Variants in GTF2IRD2 observed in about 807,000 individuals in gnomAD.
The protein encoded by GTF2IRD2 is general transcription factor II-I repeat domain-containing protein 2A.
GTF2IRD2 carries 8 observed loss-of-function variants against 49.2 expected under a neutral mutation model. The observed-to-expected ratio is 0.16, with a 90% CI of 0.10 to 0.29. GTF2IRD2 has a LOEUF of 0.29. GTF2IRD2 is among the 10% of genes least tolerant of loss of function. The probability of loss-of-function intolerance (pLI) is 1.00; values close to 1 mark genes in which losing one functional copy is unlikely to be tolerated. For missense variants in GTF2IRD2, 130 were observed against 725.7 expected, an observed-to-expected ratio of 0.18 and a Z score of 9.43; for synonymous variants, 47 against 289.7, an observed-to-expected ratio of 0.16 and a Z score of 8.51.
intron 4 of GTF2IRD2, among the ~76,000 whole-genome samples, chr7:74,824,099 G>A (rs1409819419): frequency 2.5e-5 from 3 of 120,684 alleles, no homozygotes; most frequent in Non-Finnish European, 5.2e-5. Context: ...CCGAGAGGCG[G>A]AGCTTGCAGT....
At chr7:74,809,652 A>AC (rs1424281047) in intron 10 of GTF2IRD2, among the ~76,000 whole-genome samples, 1 of 34,302 alleles carries the variant, frequency 2.9e-5, no homozygotes, top group South Asian at 1.1e-3. Context: ...AAAAAAAAAA[A>AC]AAAACAGAAT....
intron 6 of GTF2IRD2, 99 bp downstream of exon 6, chr7:74,822,328 G>T (rs1264546583): frequency 1.1e-6 from 1 of 922,098 alleles, no homozygotes; most frequent in East Asian, 2.5e-5. Context: ...GGGATTACAG[G>T]TGTGAGCCAT....
intron 1 of GTF2IRD2, among the ~76,000 whole-genome samples, chr7:74,842,236 T>C (rs1466140868): frequency 1.5e-5 from 2 of 137,186 alleles, no homozygotes; most frequent in Non-Finnish European, 3.1e-5. Flanking sequence ...ATTTTCTTTT[T>C]TTTTTTTTTT....
intron 1 of GTF2IRD2, among the ~76,000 whole-genome samples, chr7:74,844,360 T>TTTATTTATTTA (rs1801086745): frequency 7.6e-5 from 1 of 13,180 alleles, no homozygotes; most frequent in Admixed American, 1.2e-3. Context: ...ATTATGTTTT[T>TTTATTTATTTA]TTTATTTATT....
chr7:74,841,848 G>A (rs1365216997), intron 1 of GTF2IRD2, among the ~76,000 whole-genome samples: 7 of 141,616 alleles, frequency 4.9e-5, no homozygotes, highest in East Asian at 2.0e-4. Flanking sequence ...TGTGATGGCC[G>A]GGCACAGTGG....
intron 1 of GTF2IRD2, among the ~76,000 whole-genome samples, chr7:74,840,881 T>A (rs1482528343): frequency 7.9e-6 from 1 of 127,050 alleles, no homozygotes; most frequent in African/African-American, 3.5e-5. Flanking sequence ...AAGGTCTTAC[T>A]CTGTCACCCA....
rs369492831 is a variant in GTF2IRD2 at position 74,822,409 on chromosome 7, T to C, written c.571+18A>G. On this transcript the variant is annotated intron_variant, in intron 6 of 15. Coordinates refer to ENST00000451013, the MANE Select transcript of GTF2IRD2 (RefSeq NM_173537.5). ...AGCAGCTCAGAAGAGCCACCAAACC[T>C]GAGAAGCTGTCACTTACCCAGCTGA... 179 of 711,082 alleles carry C rather than the reference T, an allele frequency of 2.5e-4. 4 individuals are homozygous for C. The African/African-American group carries it at 3.3e-3, about 13-fold the overall frequency. 44.0% of individuals were successfully genotyped at this position (711,082 alleles called of 1,614,324 possible).
chr7:74,800,275 C>T (rs868936437), intron 15 of GTF2IRD2, among the ~76,000 whole-genome samples: 5 of 140,104 alleles, frequency 3.6e-5, no homozygotes, highest in African/African-American at 1.1e-4. Context: ...TGCAGTGGCA[C>T]GATCTCGGCT....
intron 15 of GTF2IRD2, among the ~76,000 whole-genome samples, chr7:74,798,701 A>AC (rs1797227039): frequency 7.2e-6 from 1 of 139,338 alleles, no homozygotes; most frequent in African/African-American, 2.7e-5. Context: ...TAGAGATGAG[A>AC]TTTCACCATG....
At chr7:74,835,990 A>G (rs1463035249) in intron 2 of GTF2IRD2, among the ~76,000 whole-genome samples, 29 of 130,584 alleles carry the variant, frequency 2.2e-4, no homozygotes, top group South Asian at 4.6e-4. Context: ...GTCTCAAAAA[A>G]AAAAAACAAA....
intron 15 of GTF2IRD2, among the ~76,000 whole-genome samples, chr7:74,799,747 G>A (rs1380986598): frequency 2.6e-5 from 4 of 152,266 alleles, no homozygotes; most frequent in Non-Finnish European, 5.9e-5. Context: ...CACCCTGCAG[G>A]TAATCAAGGT....
chr7:74,836,889 CT>C (rs1221581416), intron 1 of GTF2IRD2, among the ~76,000 whole-genome samples: 18 of 130,766 alleles, frequency 1.4e-4, no homozygotes, highest in Middle Eastern at 3.8e-3. Flanking sequence ...TTCTTTCTTT[CT>C]TTTTTTTTTG....
chr7:74,826,308 G>A (rs1259356054), intron 3 of GTF2IRD2, among the ~76,000 whole-genome samples: 1 of 151,494 alleles, frequency 6.6e-6, no homozygotes, highest in African/African-American at 2.4e-5. Context: ...CGCCTAGGCT[G>A]GAGTGCAGTG....
At position 74,836,148 on chromosome 7, in the gene GTF2IRD2, G is replaced by A. The variant is rs1584403397; in HGVS notation, c.99+132C>T. The A allele has an allele frequency of 1.2e-5, 12 of 1,002,352 alleles. No individual in the cohort carries two copies. The East Asian group carries it at 3.1e-4, about 26-fold the overall frequency. The allele number at this position is 1,002,352 out of a possible 1,614,324, so 62.1% of individuals were successfully genotyped here. ...ATTGTGCCACTGCACTCCAGCCTGG[G>A]TGACAGAGTGAGACTCTGTCTTAAA... On this transcript the variant is annotated intron_variant, in intron 2 of 15. Transcript: ENST00000451013.
intron 1 of GTF2IRD2, among the ~76,000 whole-genome samples, chr7:74,840,251 T>A (rs868927078): frequency 9.4e-6 from 1 of 106,080 alleles, no homozygotes; most frequent in African/African-American, 4.1e-5. Flanking sequence ...TGTGCCACCA[T>A]GCCCAGCTAA....
intron 3 of GTF2IRD2, among the ~76,000 whole-genome samples, chr7:74,825,802 CTT>C (rs71304554): frequency 3.0e-3 from 336 of 110,894 alleles, no homozygotes; most frequent in Admixed American, 4.3e-3. Context: ...TTTCTTTCTT[CTT>C]TTTTTTTTTT....
At chr7:74,845,753 CAA>C (rs1275790429) in intron 1 of GTF2IRD2, among the ~76,000 whole-genome samples, 2 of 152,280 alleles carry the variant, frequency 1.3e-5, no homozygotes, top group African/African-American at 4.8e-5. Context: ...TTTCCTGTCC[CAA>C]GTACATTTTC....
intron 8 of GTF2IRD2, among the ~76,000 whole-genome samples, chr7:74,815,822 GAAA>G (rs1798479000): frequency 9.1e-5 from 9 of 99,230 alleles, no homozygotes; most frequent in Non-Finnish European, 1.7e-4. Flanking sequence ...AAGAAAGAAA[GAAA>G]GAAAGAAAGA....
At chr7:74,842,330 A>G (rs2131816780) in intron 1 of GTF2IRD2, among the ~76,000 whole-genome samples, 1 of 133,630 alleles carries the variant, frequency 7.5e-6, no homozygotes, top group Non-Finnish European at 1.6e-5. Context: ...TCTGGGTTCA[A>G]GCGATTCTCC....
Sources: gnomAD v4.1 joint callset for allele counts (sites outside exome capture counted in the v4.1 genomes callset) on GRCh38, gnomAD v4.1.1 for gene constraint, MANE v1.5 for transcripts, NCBI Gene and HGNC (gene_info 2026-07-23, HGNC 2026-07-21) for gene names.